NFASC: variants seen among roughly 807,000 people sequenced by gnomAD.
NFASC encodes neurofascin homolog.
In NFASC, 43 loss-of-function variants were observed where a neutral mutation model predicts 147.5. The ratio of observed to expected loss-of-function variants is 0.29; its 90% confidence interval spans 0.23 to 0.38. The LOEUF (loss-of-function observed/expected upper bound fraction) is 0.38. Among genes scored for constraint, NFASC ranks in the 10% least tolerant of loss-of-function variants. The pLI, the probability that NFASC is intolerant of heterozygous loss-of-function variation, is 1.00. For missense variants in NFASC, 1,320 were observed against 1,689.0 expected (o/e 0.78, Z 3.83); for synonymous variants, 622 against 665.5 (o/e 0.93, Z 1.01).
intron 1 of NFASC, among the ~76,000 whole-genome samples, chr1:204,849,571 G>A: frequency 6.6e-6 from 1 of 152,292 alleles, no homozygotes; most frequent in South Asian, 2.1e-4. Context: ...CACTTGGAGA[G>A]CCATTAGTCC....
At position 204,895,885 on chromosome 1, in the gene NFASC, C is replaced by T. The variant is rs185595503; in HGVS notation, c.-199-24747C>T. ...ACTCCTCTAACATCATAATCACCTT[C>T]TTAGAGATATAGGATCCTCAGTCTT... On this transcript the variant is annotated intron_variant, in intron 1 of 29. Transcript: ENST00000339876. 3.7e-4 allele frequency among the ~76,000 whole-genome samples: 57 copies of T among 152,264 alleles called. No homozygotes were observed. In the Middle Eastern group the frequency reaches 0.01, roughly 27 times the overall value.
chr1:204,878,948 C>T (rs746484297), intron 1 of NFASC, among the ~76,000 whole-genome samples: 8 of 152,142 alleles, frequency 5.3e-5, no homozygotes, highest in Non-Finnish European at 8.8e-5. Flanking sequence ...TGCACAGAGG[C>T]TTCCCTTTTG....
chr1:204,972,497 A>C (rs934705388), intron 11 of NFASC, among the ~76,000 whole-genome samples: 1 of 152,232 alleles, frequency 6.6e-6, no homozygotes. Flanking sequence ...CCCAGATCCC[A>C]GAGTGAAGTG....
At chr1:204,970,534 C>T (rs2150279301) in intron 10 of NFASC, 82 bp from the exon 11 acceptor site, 2 of 1,533,938 alleles carry the variant, frequency 1.3e-6, no homozygotes, top group South Asian at 1.2e-5. Context: ...GGGCTCCTGC[C>T]ATACTAGAGG....
chr1:204,935,899 T>G (rs1322982430), intron 2 of NFASC, among the ~76,000 whole-genome samples: 1 of 152,194 alleles, frequency 6.6e-6, no homozygotes, highest in Non-Finnish European at 1.5e-5. Context: ...GGGTTTCCAG[T>G]TCTTTCCTCC....
chr1:204,847,679 C>G (rs533258119), intron 1 of NFASC, among the ~76,000 whole-genome samples: 1 of 152,324 alleles, frequency 6.6e-6, no homozygotes, highest in East Asian at 1.9e-4. Context: ...CATTCCCCCT[C>G]CTCTACCTTT....
chr1:205,003,777 G>A (rs900848956), intron 27 of NFASC, among the ~76,000 whole-genome samples: 1 of 152,212 alleles, frequency 6.6e-6, no homozygotes, highest in Non-Finnish European at 1.5e-5. Context: ...GGCCTGGCGA[G>A]GCTGATCCTG....
intron 8 of NFASC, 128 bp downstream of exon 8, chr1:204,957,954 T>C (rs2094501257): frequency 2.5e-6 from 2 of 814,948 alleles, no homozygotes; most frequent in Non-Finnish European, 3.9e-6. Flanking sequence ...TCCTTCCAGC[T>C]CATGGTGCCT....
intron 1 of NFASC, among the ~76,000 whole-genome samples, chr1:204,895,214 C>A (rs2083164360): frequency 1.3e-5 from 2 of 152,136 alleles, no homozygotes; most frequent in Admixed American, 6.5e-5. Flanking sequence ...TTATTGCTCA[C>A]ACCACAACCC....
intron 1 of NFASC, among the ~76,000 whole-genome samples, chr1:204,896,888 T>C (rs1313402815): frequency 6.6e-6 from 1 of 152,196 alleles, no homozygotes; most frequent in Admixed American, 6.5e-5. Flanking sequence ...ATCTAGGCAC[T>C]GCGCTAGGGG....
At chr1:204,941,458 G>A (rs980751808) in intron 2 of NFASC, among the ~76,000 whole-genome samples, 1 of 152,042 alleles carries the variant, frequency 6.6e-6, no homozygotes, top group African/African-American at 2.4e-5. Flanking sequence ...ATTCTATCAA[G>A]AGTCCCAAAA....
At chr1:204,867,036 A>G (rs991176410) in intron 1 of NFASC, among the ~76,000 whole-genome samples, 2 of 152,204 alleles carry the variant, frequency 1.3e-5, no homozygotes, top group African/African-American at 2.4e-5. Context: ...CAAAGAAACA[A>G]AAAAAGCAGC....
Position 204,917,285 on chromosome 1 carries a change from A to G in NFASC, c.-199-3347A>G, listed in dbSNP as rs117354425. On this transcript the variant is annotated intron_variant, in intron 1 of 29. Transcript: ENST00000339876. ...TTAGGATTAAATGTCTATAATGTCT[A>G]TCATTCAGAAGAATTTCAAGAATTA... 3.2e-3 allele frequency among the ~76,000 whole-genome samples: 483 copies of G among 152,338 alleles called. 11 individuals carry two copies. The highest frequency in any genetic ancestry group is 0.012 in the East Asian group (64 of 5,184).
At chr1:204,953,484 G>A (rs1430973430) in intron 5 of NFASC, among the ~76,000 whole-genome samples, 3 of 152,012 alleles carry the variant, frequency 2.0e-5, no homozygotes, top group Non-Finnish European at 2.9e-5. Context: ...TTTTTAGTAG[G>A]ACGGGGTTTC....
At chr1:204,969,066 C>A in intron 10 of NFASC, 84 bp downstream of exon 10, 2 of 1,281,868 alleles carry the variant, frequency 1.6e-6, no homozygotes, top group Non-Finnish European at 2.2e-6. Flanking sequence ...TGGTTGGGGG[C>A]AGAGTGAGTC....
chr1:204,920,553 C>G (rs775746098), intron 1 of NFASC, 79 bp from the exon 2 acceptor site: 28 of 653,976 alleles, frequency 4.3e-5, no homozygotes, highest in Non-Finnish European at 6.5e-5. Context: ...AATGAGCAAG[C>G]TGCAAACCAC....
intron 2 of NFASC, among the ~76,000 whole-genome samples, chr1:204,924,928 T>G (rs1315498537): frequency 6.6e-6 from 1 of 152,364 alleles, no homozygotes; most frequent in East Asian, 1.9e-4. Flanking sequence ...TAGGCTGGAG[T>G]GCAGTGGTGC....
chr1:204,930,548 A>G (rs1380136746), intron 2 of NFASC, among the ~76,000 whole-genome samples: 5 of 152,204 alleles, frequency 3.3e-5, no homozygotes, highest in Non-Finnish European at 7.3e-5. Context: ...GAGACAAGAC[A>G]TGGACTCTGA....
chr1:204,852,448 T>TGA (rs2075779269), intron 1 of NFASC, among the ~76,000 whole-genome samples: 1 of 152,186 alleles, frequency 6.6e-6, no homozygotes, highest in African/African-American at 2.4e-5. Flanking sequence ...GGCAGTGAGC[T>TGA]GAGATCGCGC....
Sources: allele counts gnomAD v4.1 joint callset (sites outside exome capture counted in the v4.1 genomes callset), GRCh38; gene constraint gnomAD v4.1.1; transcripts MANE v1.5; gene names NCBI Gene and HGNC (gene_info 2026-07-23, HGNC 2026-07-21).